BST1: variants seen among roughly 807,000 people sequenced by gnomAD.
BST1 encodes ADP-ribosyl cyclase/cyclic ADP-ribose hydrolase 2.
BST1 carries 49 observed loss-of-function variants against 40.6 expected under a neutral mutation model. The observed-to-expected ratio is 1.21, with a 90% CI of 0.96 to 1.53. The LOEUF is 1.53. Among genes scored for constraint, BST1 ranks in the 40% most tolerant of loss-of-function variants. The pLI is 0.00. For missense variants in BST1, 423 were observed against 395.9 expected (o/e 1.07, Z -0.58); for synonymous variants, 157 against 159.3 (o/e 0.99, Z 0.11).
chr4:15,766,258 G>A, the BST1 span, among the ~76,000 whole-genome samples: 8 of 152,008 alleles, frequency 5.3e-5, no homozygotes, highest in Non-Finnish European at 8.8e-5. Flanking sequence ...ATGAAGGCCT[G>A]TAAAAGATGT....
chr4:15,704,681 C>G (rs1189551227), intron 1 of BST1, among the ~76,000 whole-genome samples: 1 of 152,010 alleles, frequency 6.6e-6, no homozygotes, highest in Non-Finnish European at 1.5e-5. Flanking sequence ...CATTGCCACC[C>G]AGCAGATGTT....
intron 8 of BST1, chr4:15,731,365 C>G: frequency 2.0e-6 from 1 of 512,558 alleles, no homozygotes; most frequent in South Asian, 2.0e-5. Context: ...TTCAGTACCT[C>G]GTTTTCCATG....
the BST1 span, among the ~76,000 whole-genome samples, chr4:15,758,840 G>C: frequency 6.7e-6 from 1 of 150,316 alleles, no homozygotes; most frequent in South Asian, 2.1e-4. Flanking sequence ...AAAGTATTTG[G>C]CGTCAATGCC....
chr4:15,744,482 A>G, the BST1 span, among the ~76,000 whole-genome samples: 1 of 152,192 alleles, frequency 6.6e-6, no homozygotes, highest in Non-Finnish European at 1.5e-5. Context: ...GCATGGGGGA[A>G]ACCGCCCCCA....
At chr4:15,762,188 C>CAAAAAAAA in the BST1 span, among the ~76,000 whole-genome samples, 7 of 61,270 alleles carry the variant, frequency 1.1e-4, no homozygotes, top group African/African-American at 1.8e-4. Flanking sequence ...GACTCCATCT[C>CAAAAAAAA]AAAAAAAAAA....
intron 3 of BST1, among the ~76,000 whole-genome samples, chr4:15,710,481 A>T (rs1341077999): frequency 1.3e-5 from 2 of 152,188 alleles, no homozygotes; most frequent in African/African-American, 4.8e-5. Flanking sequence ...AATATACAAT[A>T]CACTATTGTT....
At chr4:15,707,849 C>CTCTCTCTG (rs1560277524) in intron 3 of BST1, among the ~76,000 whole-genome samples, 2 of 110,884 alleles carry the variant, frequency 1.8e-5, no homozygotes, top group African/African-American at 3.4e-5. Flanking sequence ...CTCTCTCTCT[C>CTCTCTCTG]TCTCTCTATA....
intron 8 of BST1, among the ~76,000 whole-genome samples, chr4:15,723,212 G>C (rs368465397): frequency 5.3e-5 from 8 of 152,262 alleles, no homozygotes; most frequent in African/African-American, 1.9e-4. Flanking sequence ...GTCTGTTAGT[G>C]GCTGTAGAGC....
intron 7 of BST1, among the ~76,000 whole-genome samples, chr4:15,720,319 A>T (rs527693271): frequency 1.3e-5 from 2 of 152,216 alleles, no homozygotes; most frequent in East Asian, 3.9e-4. Context: ...AGTACATTTT[A>T]AAAAACATTC....
chr4:15,705,545 C>T lies in BST1; in HGVS notation c.219C>T (p.Ala73=). 7 of 1,603,868 alleles carry T rather than the reference C, an allele frequency of 4.4e-6. No homozygotes were observed. The highest frequency in any genetic ancestry group is 5.1e-6 in the Non-Finnish European group (6 of 1,175,546). Residue 73 remains alanine, a synonymous_variant, in exon 2 of 9, where the codon GCC becomes GCT. Coordinates refer to ENST00000265016, the MANE Select transcript of BST1 (RefSeq NM_004334.3). ...RNKNCTAIWE[A]FKVALDKDPC... The stretch of plus-strand genomic sequence containing the variant: ...AGAACTGCACAGCCATCTGGGAAGC[C>T]TTTAAAGTGGCGCTGGACAAGGATC...
chr4:15,710,082 C>A (rs1159172030), intron 3 of BST1, among the ~76,000 whole-genome samples: 1 of 152,148 alleles, frequency 6.6e-6, no homozygotes, highest in East Asian at 1.9e-4. Flanking sequence ...AAGCGATCCT[C>A]TTGCCTCAGC....
At chr4:15,704,409 TG>T (rs1279894682) in intron 1 of BST1, among the ~76,000 whole-genome samples, 3 of 150,150 alleles carry the variant, frequency 2.0e-5, no homozygotes, top group Non-Finnish European at 3.0e-5. Context: ...GATGTGTGTG[TG>T]TGTGTGTTCT....
chr4:15,703,369 G>A, intron 1 of BST1, 37 bp downstream of exon 1: 1 of 1,487,880 alleles, frequency 6.7e-7, no homozygotes, highest in Non-Finnish European at 8.9e-7. Flanking sequence ...GAGCCGGAAA[G>A]AGGCAACGGT....
At chr4:15,723,754 G>A (rs1387024914) in intron 8 of BST1, 2 of 476,104 alleles carry the variant, frequency 4.2e-6, no homozygotes, top group East Asian at 1.5e-4. Context: ...ATTTTGATAT[G>A]TTCTGAGAAA....
intron 3 of BST1, among the ~76,000 whole-genome samples, chr4:15,707,855 C>CTCTCTATATATATATA (rs544633858): frequency 7.8e-6 from 1 of 128,630 alleles, no homozygotes; most frequent in African/African-American, 2.9e-5. Flanking sequence ...CTCTCTCTCT[C>CTCTCTATATATATATA]TATATATATA....
intron 6 of BST1, among the ~76,000 whole-genome samples, chr4:15,718,667 C>T (rs996356656): frequency 3.3e-5 from 5 of 152,192 alleles, no homozygotes; most frequent in Admixed American, 2.6e-4. Context: ...GGCCCTGGCT[C>T]TCCCAGTGCT....
chr4:15,734,298 C>T (rs1015620230), downstream of BST1, among the ~76,000 whole-genome samples: 1 of 151,956 alleles, frequency 6.6e-6, no homozygotes, highest in East Asian at 1.9e-4. Flanking sequence ...TCCAAGTGTT[C>T]GTCAACACTC....
At position 15,718,968 on chromosome 4, in the gene BST1, C is replaced by T. The variant is rs1560282901; in HGVS notation, c.766C>T (p.Gln256Ter). 6.2e-7 allele frequency: 1 copy of T among 1,613,858 alleles called. No individual in the cohort carries two copies. Among genetic ancestry groups the T allele is most frequent in the Non-Finnish European group, 8.5e-7 (1 of 1,179,974 alleles). The change falls in exon 7 of 9, where the codon CAG becomes TAG. Residue 256 changes from glutamine (Q) to a stop codon, truncating the protein, a stop_gained. Transcript: ENST00000265016. LOFTEE classifies it high-confidence loss of function. ...AAAGAGGCTGAAGGACATGGGGTTCCAGTACAGCTGTATTAATGATTACCG... is the reference window on the plus strand; with the variant it reads ...AAAGAGGCTGAAGGACATGGGGTTCTAGTACAGCTGTATTAATGATTACCG... ...LEKRLKDMGF[Q>*]YSCINDYRPV...
chr4:15,765,461 C>T, the BST1 span, among the ~76,000 whole-genome samples: 2 of 151,978 alleles, frequency 1.3e-5, no homozygotes, highest in African/African-American at 4.8e-5. Flanking sequence ...TCCGTTTCTG[C>T]TCAACAAACA....
Sources: allele counts gnomAD v4.1 joint callset (sites outside exome capture counted in the v4.1 genomes callset), GRCh38; gene constraint gnomAD v4.1.1; transcripts MANE v1.5; gene names NCBI Gene and HGNC (gene_info 2026-07-23, HGNC 2026-07-21).